NEK11: variants seen among roughly 807,000 people sequenced by gnomAD.
NEK11 encodes serine/threonine-protein kinase Nek11.
NEK11 carries 72 observed loss-of-function variants against 80.7 expected under a neutral mutation model. That is an observed-to-expected ratio of 0.89 (90% confidence interval 0.74 to 1.08). The LOEUF (loss-of-function observed/expected upper bound fraction) is 1.08, where lower values mean the gene tolerates loss of function less well. Among genes scored for constraint, NEK11 ranks in the 50% least tolerant of loss-of-function variants. The pLI is 0.00. For synonymous variants in NEK11, 251 were observed against 260.7 expected (o/e 0.96, Z 0.36); for missense variants, 764 against 763.6 (o/e 1.00, Z -0.01).
intron 17 of NEK11, among the ~76,000 whole-genome samples, chr3:131,335,863 T>A (rs2097173683): frequency 6.6e-6 from 1 of 152,120 alleles, no homozygotes; most frequent in African/African-American, 2.4e-5. Context: ...GAACTCCCAT[T>A]CACAATTGCT....
chr3:131,331,224 A>T (rs1270474680), intron 17 of NEK11, among the ~76,000 whole-genome samples: 2 of 152,208 alleles, frequency 1.3e-5, no homozygotes, highest in Non-Finnish European at 2.9e-5. Context: ...CTCACCGGTA[A>T]CAGAACTCTT....
chr3:131,124,884 A>G (rs962422515), intron 5 of NEK11, among the ~76,000 whole-genome samples: 2 of 152,230 alleles, frequency 1.3e-5, no homozygotes, highest in Non-Finnish European at 2.9e-5. Context: ...CCAATAGGCT[A>G]TACAACATTG....
intron 14 of NEK11, among the ~76,000 whole-genome samples, chr3:131,199,912 T>C (rs958086502): frequency 6.6e-6 from 1 of 152,182 alleles, no homozygotes; most frequent in African/African-American, 2.4e-5. Flanking sequence ...TGAGATCTAA[T>C]ATCACTTAAC....
At chr3:131,102,911 G>A (rs1379807708) in intron 4 of NEK11, among the ~76,000 whole-genome samples, 1 of 152,112 alleles carries the variant, frequency 6.6e-6, no homozygotes, top group Non-Finnish European at 1.5e-5. Flanking sequence ...TTGATTCGAA[G>A]AACTGGTCTT....
chr3:131,136,513 AC>A (rs1157785745), intron 7 of NEK11, among the ~76,000 whole-genome samples: 1 of 152,196 alleles, frequency 6.6e-6, no homozygotes, highest in African/African-American at 2.4e-5. Flanking sequence ...TAATAGCTGT[AC>A]ATATTATATT....
At chr3:131,102,874 A>G (rs1578290400) in intron 4 of NEK11, among the ~76,000 whole-genome samples, 1 of 152,068 alleles carries the variant, frequency 6.6e-6, no homozygotes, top group African/African-American at 2.4e-5. Flanking sequence ...TTTAAAAATT[A>G]TTTTTCTTTA....
intron 17 of NEK11, chr3:131,325,784 A>G (rs780886803): frequency 6.6e-6 from 1 of 152,204 alleles, no homozygotes; most frequent in Non-Finnish European, 1.5e-5. Flanking sequence ...TGAAAGAACC[A>G]CTAGTCAGAT....
chr3:131,088,568 T>C (rs2076319677), intron 4 of NEK11, among the ~76,000 whole-genome samples: 1 of 151,990 alleles, frequency 6.6e-6, no homozygotes, highest in Non-Finnish European at 1.5e-5. Flanking sequence ...CACACTAATT[T>C]ATTTCAAATG....
intron 16 of NEK11, among the ~76,000 whole-genome samples, chr3:131,249,107 A>G (rs1216772613): frequency 6.6e-6 from 1 of 152,074 alleles, no homozygotes. Flanking sequence ...AAAAGGAAAA[A>G]AGCTAATATA....
intron 10 of NEK11, among the ~76,000 whole-genome samples, chr3:131,156,863 A>G (rs1560688767): frequency 6.6e-6 from 1 of 152,084 alleles, no homozygotes; most frequent in Non-Finnish European, 1.5e-5. Context: ...TTAAGGAAAT[A>G]TGCTTAACAT....
chr3:131,293,405 A>T (rs1561409506), intron 17 of NEK11, among the ~76,000 whole-genome samples: 2 of 152,100 alleles, frequency 1.3e-5, no homozygotes, highest in East Asian at 3.8e-4. Flanking sequence ...TGATTTTTGA[A>T]CACTGAACTA....
intron 17 of NEK11, among the ~76,000 whole-genome samples, chr3:131,322,358 G>A (rs1385241871): frequency 6.6e-6 from 1 of 151,978 alleles, no homozygotes; most frequent in Non-Finnish European, 1.5e-5. Context: ...CTGGGTGATC[G>A]GGCCATTCAT....
At chr3:131,197,448 C>A (rs1850129) in intron 14 of NEK11, among the ~76,000 whole-genome samples, 2 of 151,922 alleles carry the variant, frequency 1.3e-5, no homozygotes, top group African/African-American at 4.8e-5. Context: ...AGCTTCAATT[C>A]TGGAAGAGAC....
rs546789981 is a variant in NEK11, at chr3:131,293,819, A to C, written c.1718+20245A>C. On this transcript the variant is annotated intron_variant, in intron 17 of 17. Coordinates refer to ENST00000383366, the MANE Select transcript of NEK11 (RefSeq NM_024800.5). Reference sequence around the variant, plus strand: ...TGAGTTTTAGCAACTTGTGTCTTTCAAGGAATTGGTGCATTTCATCTAAGT... The same window carrying C: ...TGAGTTTTAGCAACTTGTGTCTTTCCAGGAATTGGTGCATTTCATCTAAGT... Among the ~76,000 whole-genome samples, 14 of 152,192 alleles carry C rather than the reference A, an allele frequency of 9.2e-5. No individual in the cohort carries two copies. In the East Asian group the frequency reaches 2.7e-3, roughly 29 times the overall value.
chr3:131,182,316 G>A (rs536713248), intron 14 of NEK11, among the ~76,000 whole-genome samples: 4 of 152,224 alleles, frequency 2.6e-5, no homozygotes, highest in East Asian at 1.9e-4. Flanking sequence ...CAAAATGATC[G>A]TTGCATTTCA....
rs572131036 is a variant in NEK11, at chr3:131,174,360, C to T, written c.1399+3473C>T. On this transcript the variant is annotated intron_variant, in intron 14 of 17. Coordinates refer to ENST00000383366, the MANE Select transcript of NEK11 (RefSeq NM_024800.5). Reference sequence around the variant, plus strand: ...ATTTTTTGCCTTTTAGAAGATTAGACTGCAAACTTTCAGCACCCAAAGGAA... The same window carrying T: ...ATTTTTTGCCTTTTAGAAGATTAGATTGCAAACTTTCAGCACCCAAAGGAA... 9.9e-5 allele frequency among the ~76,000 whole-genome samples: 15 copies of T among 152,270 alleles called. No individual in the cohort carries two copies. The South Asian group carries it at 3.1e-3, about 32-fold the overall frequency.
intron 17 of NEK11, among the ~76,000 whole-genome samples, chr3:131,308,610 T>C (rs2096745980): frequency 6.6e-6 from 1 of 152,362 alleles, no homozygotes. Flanking sequence ...ACACATTTTG[T>C]TGATGGTCTT....
intron 14 of NEK11, among the ~76,000 whole-genome samples, chr3:131,199,556 A>T (rs2094151240): frequency 6.6e-6 from 1 of 152,064 alleles, no homozygotes; most frequent in South Asian, 2.1e-4. Context: ...AAAAAATATC[A>T]TATGTAAAGA....
intron 4 of NEK11, among the ~76,000 whole-genome samples, chr3:131,100,029 C>T (rs1023730377): frequency 6.6e-6 from 1 of 152,162 alleles, no homozygotes; most frequent in African/African-American, 2.4e-5. Flanking sequence ...GCACCCTCAT[C>T]TTGTTCCAGT....
Sources: gnomAD v4.1 joint callset for allele counts (sites outside exome capture counted in the v4.1 genomes callset) on GRCh38, gnomAD v4.1.1 for gene constraint, MANE v1.5 for transcripts, NCBI Gene and HGNC (gene_info 2026-07-23, HGNC 2026-07-21) for gene names.